The following TRPM3 variants were observed in gnomAD, a reference collection of about 807,000 sequenced individuals.
TRPM3 encodes the protein transient receptor potential cation channel subfamily M member 3.
A neutral mutation model predicts 181.2 loss-of-function variants in TRPM3; 77 were observed. The observed-to-expected ratio is 0.42, with a 90% CI of 0.35 to 0.51. The LOEUF (loss-of-function observed/expected upper bound fraction) is 0.51. Among genes scored for constraint, TRPM3 ranks in the 20% least tolerant of loss-of-function variants. The pLI is 0.01. For missense variants in TRPM3, 1,759 were observed against 2,196.7 expected, an observed-to-expected ratio of 0.80 and a Z score of 3.98; for synonymous variants, 745 against 796.4, an observed-to-expected ratio of 0.94 and a Z score of 1.09.
chr9:71,245,452 A>C (rs1387911236), intron 1 of TRPM3, among the ~76,000 whole-genome samples: 1 of 151,822 alleles, frequency 6.6e-6, no homozygotes, highest in East Asian at 1.9e-4. Flanking sequence ...TCAAAAAAAA[A>C]AAAAAAATAC....
intron 1 of TRPM3, among the ~76,000 whole-genome samples, chr9:71,068,431 A>G (rs2062231994): frequency 1.3e-5 from 2 of 152,198 alleles, no homozygotes; most frequent in African/African-American, 4.8e-5. Flanking sequence ...GCCCTGGAAA[A>G]CAAAGCCTGG....
chr9:71,400,332 A>G (rs537686034), intron 1 of TRPM3, among the ~76,000 whole-genome samples: 43 of 152,218 alleles, frequency 2.8e-4, no homozygotes, highest in Middle Eastern at 3.4e-3. Context: ...GCTAATTCTA[A>G]GTGTTTGGCT....
At chr9:71,097,958 A>G (rs959922843) in intron 1 of TRPM3, among the ~76,000 whole-genome samples, 45 of 152,112 alleles carry the variant, frequency 3.0e-4, no homozygotes, top group African/African-American at 1.1e-3. Flanking sequence ...GTAGATAAGA[A>G]GGTTCCTAAA....
At chr9:71,001,818 C>A (rs571456799) in intron 1 of TRPM3, among the ~76,000 whole-genome samples, 1 of 152,320 alleles carries the variant, frequency 6.6e-6, no homozygotes, top group Non-Finnish European at 1.5e-5. Flanking sequence ...CAACTTGGAA[C>A]TTCTGTCACT....
intron 6 of TRPM3, chr9:70,811,226 G>T: frequency 6.2e-7 from 1 of 1,611,414 alleles, no homozygotes; most frequent in Non-Finnish European, 8.5e-7. Context: ...GGAGTCAAGA[G>T]AGAAAAACGG....
At chr9:70,658,508 G>C (rs1451215621) in intron 9 of TRPM3, among the ~76,000 whole-genome samples, 1 of 152,002 alleles carries the variant, frequency 6.6e-6, no homozygotes, top group Admixed American at 6.6e-5. Flanking sequence ...TATGTTATTG[G>C]TATGTGTTTC....
At chr9:71,031,975 T>TA (rs1554806591) in intron 1 of TRPM3, among the ~76,000 whole-genome samples, 3 of 7,940 alleles carry the variant, frequency 3.8e-4, no homozygotes, top group Admixed American at 2.9e-3. Flanking sequence ...ATATATATTA[T>TA]ATATATATAT....
intron 1 of TRPM3, among the ~76,000 whole-genome samples, chr9:71,410,716 C>T (rs1345157729): frequency 6.6e-6 from 1 of 152,126 alleles, no homozygotes; most frequent in African/African-American, 2.4e-5. Context: ...TGAAACTATT[C>T]CAATCAATAG....
At chr9:71,074,717 T>G (rs1345501213) in intron 1 of TRPM3, among the ~76,000 whole-genome samples, 4 of 152,128 alleles carry the variant, frequency 2.6e-5, no homozygotes, top group Admixed American at 2.6e-4. Context: ...AGTGAAATAT[T>G]ACATAGTACA....
At chr9:71,334,007 G>A (rs2090391794) in intron 1 of TRPM3, among the ~76,000 whole-genome samples, 1 of 151,828 alleles carries the variant, frequency 6.6e-6, no homozygotes, top group Admixed American at 6.6e-5. Flanking sequence ...GGAAATGCCA[G>A]AGATGATGAC....
At chr9:71,430,885 G>A (rs536898645) in intron 1 of TRPM3, among the ~76,000 whole-genome samples, 5 of 152,108 alleles carry the variant, frequency 3.3e-5, no homozygotes, top group South Asian at 2.1e-4. Flanking sequence ...CTCTTCTTTC[G>A]CCCATTGATT....
rs537995209 is a variant in TRPM3 at position 70,781,432 on chromosome 9, C to T, written c.1148+2673G>A. Among the ~76,000 whole-genome samples, 16 of 151,126 alleles carry T rather than the reference C, an allele frequency of 1.1e-4. 1 individual carries two copies. The highest frequency in any genetic ancestry group is 5.8e-4 in the East Asian group (3 of 5,138). ...GAAAAGGGAAAGAATCCCCATGACA[C>T]GGGGTTGATCAGCTTGGACACTGGT... On this transcript the variant is annotated intron_variant, in intron 7 of 25. Transcript: ENST00000677713.
At chr9:71,102,266 T>TAAGGGC (rs1591428478) in intron 1 of TRPM3, among the ~76,000 whole-genome samples, 1 of 152,316 alleles carries the variant, frequency 6.6e-6, no homozygotes, top group East Asian at 1.9e-4. Context: ...CTAGCTCCAC[T>TAAGGGC]TGGGATTTCT....
chr9:71,408,967 A>G (rs2093490370), intron 1 of TRPM3, among the ~76,000 whole-genome samples: 1 of 152,258 alleles, frequency 6.6e-6, no homozygotes, highest in African/African-American at 2.4e-5. Flanking sequence ...CATAAAGAAA[A>G]TAATTTTCAA....
intron 1 of TRPM3, among the ~76,000 whole-genome samples, chr9:71,084,527 C>CCA (rs981054629): frequency 4.6e-5 from 7 of 151,610 alleles, no homozygotes; most frequent in African/African-American, 7.3e-5. Context: ...TGTACAATAG[C>CCA]CACACACACA....
chr9:70,595,171 G>A (rs951231865), intron 21 of TRPM3, among the ~76,000 whole-genome samples: 1 of 152,202 alleles, frequency 6.6e-6, no homozygotes, highest in Non-Finnish European at 1.5e-5. Flanking sequence ...TAATCTCGCT[G>A]CATTAGCATG....
At chr9:70,996,905 C>T (rs2097545975) in intron 1 of TRPM3, among the ~76,000 whole-genome samples, 1 of 152,106 alleles carries the variant, frequency 6.6e-6, no homozygotes, top group African/African-American at 2.4e-5. Context: ...GGAAGGTTTG[C>T]CATTCTGTGT....
chr9:70,655,285 G>A lies in TRPM3; in HGVS notation c.1346-14625C>T, dbSNP rs370894278. 1.1e-4 allele frequency among the ~76,000 whole-genome samples: 11 copies of A among 103,048 alleles called. No individual in the cohort carries two copies. In the East Asian group the frequency reaches 1.3e-3, roughly 12 times the overall value. The allele number at this position is 103,048 out of a possible 152,430, so 67.6% of individuals were successfully genotyped here. A position where few individuals can be genotyped will look rare whatever the true frequency, so the allele number is the denominator to read the frequency against. On this transcript the variant is annotated intron_variant, in intron 9 of 25. Coordinates refer to ENST00000677713, the MANE Select transcript of TRPM3 (RefSeq NM_001366145.2). ...CATGCCCCTAAACTCCAGCCTGGGC[G>A]AAAGAGTGAGACTCCGTCTCAAAAA...
intron 1 of TRPM3, among the ~76,000 whole-genome samples, chr9:71,389,282 C>T (rs903069564): frequency 4.0e-5 from 6 of 151,676 alleles, no homozygotes; most frequent in Admixed American, 3.3e-4. Context: ...CAATGTGATA[C>T]CCCCTTAACT....
Sources: gnomAD v4.1 joint callset for allele counts (sites outside exome capture counted in the v4.1 genomes callset) on GRCh38, gnomAD v4.1.1 for gene constraint, MANE v1.5 for transcripts, NCBI Gene and HGNC (gene_info 2026-07-23, HGNC 2026-07-21) for gene names.